Variants in STRBP observed in about 807,000 individuals in gnomAD.
The protein encoded by STRBP is spermatid perinuclear RNA binding protein.
In STRBP, 13 loss-of-function variants were observed where a neutral mutation model predicts 80.1. That is an observed-to-expected ratio of 0.16 (90% CI 0.11 to 0.26). STRBP has a LOEUF of 0.26. Among genes scored for constraint, STRBP ranks in the 10% least tolerant of loss-of-function variants. STRBP has a pLI of 1.00. For synonymous variants in STRBP, 284 were observed against 291.2 expected (o/e 0.98, Z 0.25); for missense variants, 485 against 815.2 (o/e 0.59, Z 4.93).
intron 11 of STRBP, among the ~76,000 whole-genome samples, chr9:123,154,172 A>G (rs2037179410): frequency 6.6e-6 from 1 of 152,198 alleles, no homozygotes; most frequent in Non-Finnish European, 1.5e-5. Flanking sequence ...GCAACACGGT[A>G]AGTGGTTGTC....
At chr9:123,254,753 A>C (rs1403315878) in intron 1 of STRBP, among the ~76,000 whole-genome samples, 1 of 152,204 alleles carries the variant, frequency 6.6e-6, no homozygotes, top group Non-Finnish European at 1.5e-5. Context: ...CTAAATAGGA[A>C]AATTTTCTCA....
intron 2 of STRBP, among the ~76,000 whole-genome samples, chr9:123,209,623 T>TATGC (rs2039639434): frequency 6.6e-6 from 1 of 152,212 alleles, no homozygotes. Context: ...GGGGTGTATG[T>TATGC]ATGCATGTAT....
At chr9:123,222,722 A>G (rs2040105432) in intron 2 of STRBP, among the ~76,000 whole-genome samples, 1 of 152,226 alleles carries the variant, frequency 6.6e-6, no homozygotes, top group South Asian at 2.1e-4. Context: ...TATGCCTCTT[A>G]AAGAAGTTGA....
chr9:123,124,354 T>G lies in STRBP; in HGVS notation c.*1243A>C. Reference sequence around the variant, plus strand: ...CCATTGACCTAGTAACATCATTGGCTTTCCAAACAAGGTGAGAATGCAAGT... The same window carrying G: ...CCATTGACCTAGTAACATCATTGGCGTTCCAAACAAGGTGAGAATGCAAGT... On this transcript the variant is annotated 3_prime_UTR_variant, in exon 19 of 19. Transcript: ENST00000348403. 2.0e-6 allele frequency: 2 copies of G among 985,484 alleles called. No homozygotes were observed. The highest frequency in any genetic ancestry group is 3.5e-5 in the African/African-American group (2 of 57,362). The allele number at this position is 985,484 out of a possible 1,614,324, so 61.0% of individuals were successfully genotyped here.
chr9:123,162,169 G>C (rs1349235530), intron 6 of STRBP, among the ~76,000 whole-genome samples: 1 of 151,876 alleles, frequency 6.6e-6, no homozygotes, highest in Non-Finnish European at 1.5e-5. Flanking sequence ...GATACTTTTT[G>C]ATTTCTTCAG....
intron 3 of STRBP, among the ~76,000 whole-genome samples, chr9:123,180,410 G>C (rs1285015002): frequency 6.6e-6 from 1 of 152,114 alleles, no homozygotes; most frequent in Non-Finnish European, 1.5e-5. Flanking sequence ...TTTTTAAATA[G>C]ACTAGTGGGA....
intron 11 of STRBP, among the ~76,000 whole-genome samples, chr9:123,151,773 A>T (rs1450304551): frequency 2.0e-5 from 3 of 152,178 alleles, no homozygotes; most frequent in African/African-American, 7.2e-5. Flanking sequence ...ATAAAGTTTA[A>T]AAAGAGCAGC....
intron 17 of STRBP, among the ~76,000 whole-genome samples, chr9:123,128,796 G>A (rs2036005547): frequency 6.6e-6 from 1 of 152,214 alleles, no homozygotes; most frequent in Admixed American, 6.5e-5. Flanking sequence ...ACAGGCACAT[G>A]AGTCAGGTCG....
Position 123,177,503 on chromosome 9 carries a change from T to A in STRBP, c.224+1504A>T, listed in dbSNP as rs540431867. On this transcript the variant is annotated intron_variant, in intron 4 of 18. Transcript: ENST00000348403. ...TAGGAGGATCACTTGAGCCCAGGAG[T>A]TCAAGGCTACAATAAGCTATGATCA... Among the ~76,000 whole-genome samples the A allele has an allele frequency of 5.3e-5, 8 of 151,638 alleles. No homozygotes were observed. In the South Asian group the frequency reaches 1.7e-3, roughly 32 times the overall value.
intron 1 of STRBP, among the ~76,000 whole-genome samples, chr9:123,267,069 C>T (rs2041283740): frequency 1.3e-5 from 2 of 150,740 alleles, no homozygotes; most frequent in Admixed American, 6.6e-5. Context: ...TCTTTCCTTC[C>T]ATTTGTCCCC....
chr9:123,266,840 A>G (rs1323519469), intron 1 of STRBP, among the ~76,000 whole-genome samples: 1 of 151,460 alleles, frequency 6.6e-6, no homozygotes, highest in African/African-American at 2.4e-5. Context: ...TCTACCCCAA[A>G]ATAGCCTGTC....
At chr9:123,156,342 T>C (rs2037283438) in intron 11 of STRBP, among the ~76,000 whole-genome samples, 2 of 152,088 alleles carry the variant, frequency 1.3e-5, no homozygotes, top group South Asian at 4.1e-4. Flanking sequence ...ATGGCCTTCA[T>C]TCCTCAAGTA....
chr9:123,146,777 T>A, intron 13 of STRBP, 78 bp downstream of exon 13: 1 of 1,230,152 alleles, frequency 8.1e-7, no homozygotes, highest in Non-Finnish European at 1.1e-6. Context: ...TTAAAAATGA[T>A]AATTTATTAT....
chr9:123,246,213 C>T (rs1157462430), intron 1 of STRBP, among the ~76,000 whole-genome samples: 2 of 152,194 alleles, frequency 1.3e-5, no homozygotes. Flanking sequence ...AGGTACAGAA[C>T]ATGAAACATT....
At chr9:123,231,001 T>G (rs930785965) in intron 2 of STRBP, among the ~76,000 whole-genome samples, 1 of 152,192 alleles carries the variant, frequency 6.6e-6, no homozygotes, top group African/African-American at 2.4e-5. Context: ...TAACAGAATG[T>G]AGGGAGTAAG....
In STRBP at chr9:123,122,736, C is replaced by T. The variant is rs777987336; in HGVS notation, c.*2861G>A. ...GAGGATATGGCTTCAAGGAGGACCC[C>T]TATCTCTGAGAAATTATAGTAACGC... On this transcript the variant is annotated 3_prime_UTR_variant, in exon 19 of 19. Coordinates refer to ENST00000348403, the MANE Select transcript of STRBP (RefSeq NM_018387.5). 8 of 992,582 alleles carry T rather than the reference C, an allele frequency of 8.1e-6. No individual in the cohort carries two copies. Among genetic ancestry groups the T allele is most frequent in the Non-Finnish European group, 9.6e-6 (8 of 834,750 alleles). The allele number at this position is 992,582 out of a possible 1,614,324, so 61.5% of individuals were successfully genotyped here.
Position 123,122,245 on chromosome 9 carries a change from A to T in STRBP, c.*3352T>A. ...GTCACTATATCTCAGCCTATTTTAT[A>T]CAAGTGATATGGCTACGAAGGTCCG... is the stretch of plus-strand genomic sequence containing the variant. On this transcript the variant is annotated 3_prime_UTR_variant, in exon 19 of 19. Coordinates refer to ENST00000348403, the MANE Select transcript of STRBP (RefSeq NM_018387.5). 9.5e-7 allele frequency: 1 copy of T among 1,048,968 alleles called. No homozygotes were observed. The highest frequency in any genetic ancestry group is 1.3e-6 in the Non-Finnish European group (1 of 771,656). 65.0% of individuals were successfully genotyped at this position (1,048,968 alleles called of 1,614,324 possible).
intron 1 of STRBP, among the ~76,000 whole-genome samples, chr9:123,262,444 T>A (rs1032163987): frequency 6.6e-6 from 1 of 152,222 alleles, no homozygotes; most frequent in Non-Finnish European, 1.5e-5. Context: ...GAACAGGAAA[T>A]TCTGCAGGTG....
intron 1 of STRBP, among the ~76,000 whole-genome samples, chr9:123,256,018 CTTTTTTTTTTTTT>C (rs11338372): frequency 5.6e-5 from 4 of 71,484 alleles, no homozygotes; most frequent in East Asian, 4.3e-4. Flanking sequence ...TCCTTTCTTT[CTTTTTTTTTTTTT>C]TTTTTTTTTT....
Sources: gnomAD v4.1 joint callset for allele counts (sites outside exome capture counted in the v4.1 genomes callset) on GRCh38, gnomAD v4.1.1 for gene constraint, MANE v1.5 for transcripts, NCBI Gene and HGNC (gene_info 2026-07-23, HGNC 2026-07-21) for gene names.